The following VWA3A variants were observed in gnomAD, a reference collection of about 807,000 sequenced individuals.
VWA3A encodes the protein von Willebrand factor A domain-containing protein 3A.
Under a neutral mutation model 160.4 loss-of-function variants are expected in VWA3A, and 134 were observed. The observed-to-expected ratio is 0.84, with a 90% CI of 0.73 to 0.96. VWA3A has a LOEUF of 0.96. Ranked by LOEUF, VWA3A falls within the 40% of genes least tolerant of loss-of-function variation. VWA3A has a pLI of 0.00. For missense variants in VWA3A, 1,310 were observed against 1,447.9 expected, an observed-to-expected ratio of 0.90 and a Z score of 1.55; for synonymous variants, 476 against 543.4, an observed-to-expected ratio of 0.88 and a Z score of 1.72.
At chr16:22,118,802 C>T in intron 11 of VWA3A, 100 bp from the exon 12 acceptor site, 2 of 1,508,674 alleles carry the variant, frequency 1.3e-6, no homozygotes, top group South Asian at 1.2e-5. Flanking sequence ...AGAGTCTGAC[C>T]CTCTGCCTGG....
intron 28 of VWA3A, among the ~76,000 whole-genome samples, chr16:22,149,262 C>T (rs887428178): frequency 3.9e-5 from 6 of 152,074 alleles, no homozygotes; most frequent in African/African-American, 2.4e-5. Context: ...TGTTTTGAGA[C>T]GGGGTCTCAC....
intron 22 of VWA3A, among the ~76,000 whole-genome samples, chr16:22,139,259 C>T (rs184854483): frequency 2.0e-5 from 3 of 152,320 alleles, no homozygotes; most frequent in African/African-American, 4.8e-5. Flanking sequence ...GGCACTTCGC[C>T]CCCTCCTCAG....
chr16:22,098,900 C>T (rs2045363727), intron 3 of VWA3A, among the ~76,000 whole-genome samples: 1 of 134,980 alleles, frequency 7.4e-6, no homozygotes, highest in Non-Finnish European at 1.6e-5. Context: ...CATGGTGAAA[C>T]CCTGTTTCCA....
At chr16:22,125,542 GCC>G (rs2045831650) in intron 16 of VWA3A, among the ~76,000 whole-genome samples, 2 of 151,950 alleles carry the variant, frequency 1.3e-5, no homozygotes, top group Non-Finnish European at 2.9e-5. Flanking sequence ...TCCTGCCTCA[GCC>G]TCCCAAGTAG....
intron 21 of VWA3A, among the ~76,000 whole-genome samples, chr16:22,134,890 G>C (rs1360930885): frequency 6.6e-6 from 1 of 152,036 alleles, no homozygotes; most frequent in Non-Finnish European, 1.5e-5. Context: ...TGTTAAACAG[G>C]GCTCTTGCTA....
In VWA3A at chr16:22,121,095, G is replaced by C; in HGVS notation, c.1244G>C (p.Gly415Ala). ...TCTGCAGAGTGGCTTAAGGTCAATG[G>C]TCTGAAAGGTAAATCTCCAAAGAGG... ...KTSAEWLKVNGLKAKKLSLYQ... is the reference protein window; with the variant it reads ...KTSAEWLKVNALKAKKLSLYQ... Residue 415 changes from glycine (G) to alanine (A), a missense_variant, in exon 13 of 34, where the codon GGT becomes GCT. Physicochemically the swap from Gly to Ala is moderately conservative, Grantham distance 60. Transcript: ENST00000389398. The C allele has an allele frequency of 6.2e-7, 1 of 1,613,902 alleles. No homozygotes were observed. The highest frequency in any genetic ancestry group is 1.1e-5 in the South Asian group (1 of 91,076).
rs1567203063 is a variant in VWA3A at position 22,115,925 on chromosome 16, A to AAGGAAGGAAGGAAGGGAG, written c.815+453_815+454insAGGAAGGAAGGAAGGGAG. Among the ~76,000 whole-genome samples the AAGGAAGGAAGGAAGGGAG allele has an allele frequency of 2.2e-4, 4 of 18,460 alleles. 1 individual carries two copies. The highest frequency in any genetic ancestry group is 2.1e-4 in the Non-Finnish European group (3 of 14,146). 12.1% of individuals were successfully genotyped at this position (18,460 alleles called of 152,430 possible). A position where few individuals can be genotyped will look rare whatever the true frequency, so the allele number is the denominator to read the frequency against. On this transcript the variant is annotated intron_variant, in intron 9 of 33. Coordinates refer to ENST00000389398, the MANE Select transcript of VWA3A (RefSeq NM_173615.5). ...AGGAAGGAAGGAAGGAAGGAAGGAA[A>AAGGAAGGAAGGAAGGGAG]GGAAAGGAAAGGAAGGGAGGAGGGG...
rs765165784 is a variant in VWA3A, at chr16:22,110,902, G to A, written c.597G>A (p.Glu199=). The stretch of plus-strand genomic sequence containing the variant: ...TTGTCCAACAGAGCCTCATCGATGA[G>A]CAGCTGAGCCACAAGGAGAAGCTGT... ...FQKDLMSLID[E]QLSHKEKLFV... Residue 199 remains glutamate, a synonymous_variant, in exon 8 of 34, where the codon GAG becomes GAA. Transcript: ENST00000389398. The A allele has an allele frequency of 6.2e-7, 1 of 1,607,706 alleles. No individual in the cohort carries two copies. Among genetic ancestry groups the A allele is most frequent in the Admixed American group, 1.7e-5 (1 of 59,086 alleles).
chr16:22,111,322 C>A (rs2045549296), intron 8 of VWA3A, among the ~76,000 whole-genome samples: 1 of 151,946 alleles, frequency 6.6e-6, no homozygotes, highest in African/African-American at 2.4e-5. Flanking sequence ...AAATGAGTCT[C>A]CCTCTTTTTT....
intron 14 of VWA3A, among the ~76,000 whole-genome samples, chr16:22,122,364 G>T (rs1462205114): frequency 1.1e-4 from 16 of 151,960 alleles, no homozygotes; most frequent in Non-Finnish European, 2.2e-4. Flanking sequence ...TGAACAGGTG[G>T]AAGGGTAAAA....
At chr16:22,115,985 A>G in intron 9 of VWA3A, among the ~76,000 whole-genome samples, 1 of 144,434 alleles carries the variant, frequency 6.9e-6, no homozygotes, top group Admixed American at 6.9e-5. Flanking sequence ...AGAGAGAGAG[A>G]GAGAGGAGAG....
chr16:22,140,395 G>A (rs1477774140), intron 23 of VWA3A, among the ~76,000 whole-genome samples, 151 bp downstream of exon 23: 1 of 152,014 alleles, frequency 6.6e-6, no homozygotes, highest in Non-Finnish European at 1.5e-5. Context: ...ATCACTTGAG[G>A]TCAGGAGTTC....
At position 22,149,923 on chromosome 16, in the gene VWA3A, G is replaced by A; in HGVS notation, c.3121G>A (p.Ala1041Thr). ...QAQGSTSILQ[A>T]LLKAFSFHDL... Reference sequence around the variant, plus strand: ...TCAGGGCAGCACCTCCATCTTGCAAGCATTGCTGGCAAGTCCCACCACGGA... The same window carrying A: ...TCAGGGCAGCACCTCCATCTTGCAAACATTGCTGGCAAGTCCCACCACGGA... The change falls in exon 29 of 34, where the codon GCA becomes ACA. Residue 1041 changes from alanine to threonine, a missense_variant. By Grantham distance (58) the Ala-to-Thr change is moderately conservative (BLOSUM62 0). Coordinates refer to ENST00000389398, the MANE Select transcript of VWA3A (RefSeq NM_173615.5). The A allele has an allele frequency of 6.2e-7, 1 of 1,605,480 alleles. No homozygotes were observed. Among genetic ancestry groups the A allele is most frequent in the South Asian group, 1.1e-5 (1 of 90,298 alleles).
At chr16:22,111,293 A>G (rs1464270626) in intron 8 of VWA3A, among the ~76,000 whole-genome samples, 2 of 152,196 alleles carry the variant, frequency 1.3e-5, no homozygotes, top group East Asian at 3.8e-4. Context: ...AACAGTATGA[A>G]AGGATGATAA....
intron 1 of VWA3A, among the ~76,000 whole-genome samples, chr16:22,095,809 C>T (rs2045311350): frequency 6.6e-6 from 1 of 152,160 alleles, no homozygotes; most frequent in South Asian, 2.1e-4. Context: ...TGACCTCCTG[C>T]CTCAGCCTGC....
chr16:22,148,984 G>A (rs913548806), intron 28 of VWA3A, among the ~76,000 whole-genome samples: 7 of 152,110 alleles, frequency 4.6e-5, no homozygotes, highest in South Asian at 2.1e-4. Flanking sequence ...GGGTTGACCC[G>A]AAGGGGACCC....
Position 22,155,829 on chromosome 16 carries a change from T to C in VWA3A, c.3504-22T>C, listed in dbSNP as rs374492021. ...AATCTGGGCACCAGGGAGACCATCT[T>C]TCTTCATCTCCTGCCCACCAGATCC... is the stretch of plus-strand genomic sequence containing the variant. On this transcript the variant is annotated intron_variant, in intron 32 of 33. Coordinates refer to ENST00000389398, the MANE Select transcript of VWA3A (RefSeq NM_173615.5). The C allele has an allele frequency of 3.8e-5, 62 of 1,613,704 alleles. 1 individual carries two copies. Among genetic ancestry groups the C allele is most frequent in the East Asian group, 2.9e-4 (13 of 44,866 alleles).
chr16:22,122,721 T>C (rs894598755), intron 14 of VWA3A, among the ~76,000 whole-genome samples: 2 of 152,204 alleles, frequency 1.3e-5, no homozygotes, highest in Non-Finnish European at 2.9e-5. Flanking sequence ...ATGGCCAGTA[T>C]ATTTTAAGGT....
At chr16:22,102,556 T>C (rs1399762816) in intron 5 of VWA3A, among the ~76,000 whole-genome samples, 1 of 152,172 alleles carries the variant, frequency 6.6e-6, no homozygotes, top group African/African-American at 2.4e-5. Flanking sequence ...CCTTACCTTG[T>C]GCATATGATA....
Sources: allele counts gnomAD v4.1 joint callset (sites outside exome capture counted in the v4.1 genomes callset), GRCh38; gene constraint gnomAD v4.1.1; transcripts MANE v1.5; gene names NCBI Gene and HGNC (gene_info 2026-07-23, HGNC 2026-07-21).